The following AFAP1L2 variants were observed in gnomAD, a reference collection of about 807,000 sequenced individuals.
The protein encoded by AFAP1L2 is actin filament-associated protein 1-like 2.
Under a neutral mutation model 99.3 loss-of-function variants are expected in AFAP1L2, and 46 were observed. That is an observed-to-expected ratio of 0.46 (90% CI 0.37 to 0.59). The LOEUF is 0.59. Among genes scored for constraint, AFAP1L2 ranks in the 20% least tolerant of loss-of-function variants. AFAP1L2 has a pLI of 0.00. For synonymous variants in AFAP1L2, 397 were observed against 419.1 expected, an observed-to-expected ratio of 0.95 and a Z score of 0.64; for missense variants, 959 against 1,034.9, an observed-to-expected ratio of 0.93 and a Z score of 1.01.
intron 1 of AFAP1L2, among the ~76,000 whole-genome samples, chr10:114,373,169 G>C (rs1035859299): frequency 5.3e-5 from 8 of 152,308 alleles, no homozygotes; most frequent in Middle Eastern, 6.8e-3. Context: ...CTTGAGCCCA[G>C]GAAGTCAAGG....
Position 114,302,352 on chromosome 10 carries a change from T to C in AFAP1L2, c.1417A>G (p.Lys473Glu), listed in dbSNP as rs1305427709. ...CAAATTACTCACAAGAGAGAGTTTT[T>C]GGCCGCACTCACAATACAGGAGACC... is the stretch of plus-strand genomic sequence containing the variant. ...DRVSCIVSAA[K>E]NSLLLMQRKF... Residue 473 changes from lysine to glutamate, a missense_variant, in exon 12 of 19, where the codon AAA becomes GAA. Coordinates refer to ENST00000304129, the MANE Select transcript of AFAP1L2 (RefSeq NM_001001936.3). 1 of 1,614,158 alleles carries C rather than the reference T, an allele frequency of 6.2e-7. No homozygotes were observed.
chr10:114,337,318 G>A (rs1352996178), intron 2 of AFAP1L2, among the ~76,000 whole-genome samples: 4 of 152,234 alleles, frequency 2.6e-5, no homozygotes, highest in African/African-American at 7.2e-5. Context: ...GATGAATGAT[G>A]TCATCCATGT....
chr10:114,371,116 G>A (rs893549566), intron 1 of AFAP1L2, among the ~76,000 whole-genome samples: 4 of 152,194 alleles, frequency 2.6e-5, no homozygotes, highest in Non-Finnish European at 4.4e-5. Flanking sequence ...AGGACACTCC[G>A]TAAGTGCCTG....
chr10:114,397,256 C>T (rs1038801110), intron 1 of AFAP1L2, among the ~76,000 whole-genome samples: 5 of 152,310 alleles, frequency 3.3e-5, no homozygotes, highest in African/African-American at 7.2e-5. Context: ...TTGTGGCTCA[C>T]GCCTTCCCCC....
chr10:114,299,128 C>A, intron 16 of AFAP1L2, 132 bp downstream of exon 16: 1 of 1,065,800 alleles, frequency 9.4e-7, no homozygotes, highest in Non-Finnish European at 1.4e-6. Context: ...GGAGCACCCA[C>A]CCAGGCCAAG....
intron 1 of AFAP1L2, among the ~76,000 whole-genome samples, chr10:114,371,137 G>C (rs555625929): frequency 9.2e-5 from 14 of 152,346 alleles, no homozygotes; most frequent in Middle Eastern, 6.8e-3. Context: ...GCCGCTGGCT[G>C]GCAGGGCCAA....
chr10:114,288,840 G>T, the AFAP1L2 span: 3 of 1,304,656 alleles, frequency 2.3e-6, no homozygotes, highest in Non-Finnish European at 2.1e-6. Flanking sequence ...GAGCACCCTG[G>T]CTGACCTTGG....
chr10:114,304,621 A>T (rs2041810021), intron 11 of AFAP1L2, 98 bp downstream of exon 11: 1 of 1,176,564 alleles, frequency 8.5e-7, no homozygotes, highest in African/African-American at 1.5e-5. Context: ...GGGGACATTG[A>T]TTCTCCCTTA....
chr10:114,346,000 C>G (rs1009439045), intron 1 of AFAP1L2, among the ~76,000 whole-genome samples: 3 of 152,314 alleles, frequency 2.0e-5, no homozygotes, highest in South Asian at 2.1e-4. Context: ...ATGGCACCTG[C>G]CCATCGGGGA....
chr10:114,302,492 G>C lies in AFAP1L2; in HGVS notation c.1285-8C>G, dbSNP rs371254976. The stretch of plus-strand genomic sequence containing the variant: ...TTCCTCGGAAGACTTGGCCTGGAAC[G>C]AGGCCAAGAGAGACATAAGCAGGGC... On this transcript the variant is annotated splice_polypyrimidine_tract_variant and splice_region_variant and intron_variant, in intron 11 of 18. Transcript: ENST00000304129. 17 of 1,613,622 alleles carry C rather than the reference G, an allele frequency of 1.1e-5. No homozygotes were observed. The East Asian group carries it at 3.6e-4, about 34-fold the overall frequency.
At chr10:114,379,210 CTCA>C (rs2055247208) in intron 1 of AFAP1L2, among the ~76,000 whole-genome samples, 1 of 69,442 alleles carries the variant, frequency 1.4e-5, no homozygotes, top group African/African-American at 4.1e-5. Context: ...GAGACTCTGT[CTCA>C]AAAAAAAAAA....
chr10:114,385,534 G>C (rs2056388426), intron 1 of AFAP1L2, among the ~76,000 whole-genome samples: 1 of 152,168 alleles, frequency 6.6e-6, no homozygotes, highest in Non-Finnish European at 1.5e-5. Context: ...TTTGGATGCT[G>C]CCAGGTTGGC....
At position 114,363,461 on chromosome 10, in the gene AFAP1L2, C is replaced by T. The variant is rs143224908; in HGVS notation, c.17-22730G>A. Among the ~76,000 whole-genome samples, 728 of 152,278 alleles carry T rather than the reference C, an allele frequency of 4.8e-3. 6 individuals are homozygous for T. Among genetic ancestry groups the T allele is most frequent in the African/African-American group, 0.017 (699 of 41,552 alleles). The stretch of plus-strand genomic sequence containing the variant: ...GCTCCTGGTCCTTCATGCCCTGTCG[C>T]GGCTCCAACCAACATTTACCAAATG... On this transcript the variant is annotated intron_variant, in intron 1 of 18. Transcript: ENST00000304129.
At chr10:114,291,169 A>G, downstream of AFAP1L2, 1 of 1,550,030 alleles carries the variant, frequency 6.5e-7, no homozygotes, top group Non-Finnish European at 8.7e-7. Context: ...TGGAGGGCTG[A>G]GAAGGGGATG....
At chr10:114,300,387 CAGCT>C in intron 14 of AFAP1L2, 25 bp from the exon 15 acceptor site, 1 of 1,613,940 alleles carries the variant, frequency 6.2e-7, no homozygotes, top group Non-Finnish European at 8.5e-7. Flanking sequence ...AGACCTGACT[CAGCT>C]GGCTGAAGGG....
At chr10:114,372,349 C>T (rs1308687453) in intron 1 of AFAP1L2, among the ~76,000 whole-genome samples, 3 of 152,158 alleles carry the variant, frequency 2.0e-5, no homozygotes, top group Admixed American at 1.3e-4. Context: ...GCTGACTTGC[C>T]ATTGTGTGTC....
chr10:114,297,517 A>C (rs540129925), intron 16 of AFAP1L2, 104 bp from the exon 17 acceptor site: 2 of 1,255,072 alleles, frequency 1.6e-6, no homozygotes, highest in African/African-American at 1.5e-5. Flanking sequence ...CCCGAGAAGG[A>C]CCACAGGTCT....
chr10:114,310,495 T>G, intron 7 of AFAP1L2, 52 bp from the exon 8 acceptor site: 1 of 1,544,314 alleles, frequency 6.5e-7, no homozygotes, highest in Non-Finnish European at 8.8e-7. Context: ...TGGCCAGCAC[T>G]CACAGCCAGG....
At position 114,322,363 on chromosome 10, in the gene AFAP1L2, G is replaced by A. The variant is rs146040957; in HGVS notation, c.406+808C>T. ...TCCTGTGGCTGGCAGCCCCATCTGC[G>A]TCCCCACCTCCTTTCATTCTCCCCT... On this transcript the variant is annotated intron_variant, in intron 5 of 18. Transcript: ENST00000304129. Among the ~76,000 whole-genome samples the A allele has an allele frequency of 5.5e-3, 835 of 152,190 alleles. 7 individuals are homozygous for A. The highest frequency in any genetic ancestry group is 9.9e-3 in the Non-Finnish European group (671 of 68,022).
Sources: gnomAD v4.1 joint callset for allele counts (sites outside exome capture counted in the v4.1 genomes callset) on GRCh38, gnomAD v4.1.1 for gene constraint, MANE v1.5 for transcripts, NCBI Gene and HGNC (gene_info 2026-07-23, HGNC 2026-07-21) for gene names.